Variants in AGBL1 observed in about 807,000 individuals in gnomAD.
AGBL1 encodes AGBL carboxypeptidase 1, also known as cytosolic carboxypeptidase 4.
AGBL1 carries 130 observed loss-of-function variants against 118.9 expected under a neutral mutation model. The ratio of observed to expected loss-of-function variants is 1.09; its 90% confidence interval spans 0.95 to 1.26. The LOEUF is 1.26. Ranked by LOEUF, AGBL1 falls within the 50% of genes most tolerant of loss-of-function variation. The pLI, the probability that AGBL1 is intolerant of heterozygous loss-of-function variation, is 0.00. For synonymous variants in AGBL1, 555 were observed against 478.9 expected (o/e 1.16, Z -2.08); for missense variants, 1,584 against 1,298.1 (o/e 1.22, Z -3.38).
chr15:86,403,286 C>A (rs2081475765), intron 18 of AGBL1, among the ~76,000 whole-genome samples: 1 of 152,086 alleles, frequency 6.6e-6, no homozygotes, highest in Non-Finnish European at 1.5e-5. Context: ...AGAACCAGGG[C>A]ATATTGATTC....
At chr15:86,600,313 T>TC (rs1054425518) in intron 21 of AGBL1, among the ~76,000 whole-genome samples, 10 of 152,188 alleles carry the variant, frequency 6.6e-5, no homozygotes, top group African/African-American at 1.9e-4. Flanking sequence ...CTTGAGTTTC[T>TC]CCACTGTGCA....
chr15:86,665,256 C>G (rs1003438232), intron 21 of AGBL1, among the ~76,000 whole-genome samples: 2 of 152,050 alleles, frequency 1.3e-5, no homozygotes, highest in Non-Finnish European at 2.9e-5. Context: ...CGATTATTTC[C>G]TTAATATTAA....
At chr15:86,213,097 T>G (rs968762216) in intron 5 of AGBL1, among the ~76,000 whole-genome samples, 2 of 152,218 alleles carry the variant, frequency 1.3e-5, no homozygotes, top group African/African-American at 2.4e-5. Context: ...TGTACAAAAA[T>G]GAATAACTGC....
At chr15:86,742,274 G>A (rs1378599671) in intron 22 of AGBL1, among the ~76,000 whole-genome samples, 1 of 152,076 alleles carries the variant, frequency 6.6e-6, no homozygotes, top group Non-Finnish European at 1.5e-5. Flanking sequence ...CAGACGGCAT[G>A]GCTTTTCCAG....
chr15:86,632,758 T>TA (rs140457963), intron 21 of AGBL1, among the ~76,000 whole-genome samples: 11,648 of 151,716 alleles, frequency 0.077, 599 homozygotes, highest in Non-Finnish European at 0.089. Flanking sequence ...CCACTGCTCT[T>TA]AAGATGCATG....
At chr15:86,509,946 A>ACTT (rs2083032979) in intron 18 of AGBL1, among the ~76,000 whole-genome samples, 1 of 142,874 alleles carries the variant, frequency 7.0e-6, no homozygotes, top group Admixed American at 7.0e-5. Flanking sequence ...GCTGAAGCTC[A>ACTT]TTTTTTTTTT....
intron 17 of AGBL1, among the ~76,000 whole-genome samples, chr15:86,341,089 C>G (rs1366697327): frequency 6.6e-6 from 1 of 152,208 alleles, no homozygotes; most frequent in Non-Finnish European, 1.5e-5. Context: ...AAGTCCAGGT[C>G]TCCCCCTGAC....
chr15:86,929,936 C>T (rs1363954111), intron 23 of AGBL1, among the ~76,000 whole-genome samples: 1 of 152,102 alleles, frequency 6.6e-6, no homozygotes, highest in African/African-American at 2.4e-5. Context: ...AATTTTATTC[C>T]AATTCTCATT....
intron 22 of AGBL1, among the ~76,000 whole-genome samples, chr15:86,743,393 A>G (rs2077707972): frequency 6.6e-6 from 1 of 152,084 alleles, no homozygotes; most frequent in African/African-American, 2.4e-5. Flanking sequence ...TTTCAAATCC[A>G]CTTCATCCTA....
At chr15:86,249,338 A>G (rs918507832) in intron 7 of AGBL1, among the ~76,000 whole-genome samples, 1 of 152,124 alleles carries the variant, frequency 6.6e-6, no homozygotes, top group African/African-American at 2.4e-5. Flanking sequence ...GAAGCCACCA[A>G]TGAGAGTGTT....
At chr15:86,856,941 G>C (rs1214329804) in intron 22 of AGBL1, among the ~76,000 whole-genome samples, 1 of 152,138 alleles carries the variant, frequency 6.6e-6, no homozygotes, top group African/African-American at 2.4e-5. Flanking sequence ...GCCTAGTTTT[G>C]TCCCGAAGTC....
intron 22 of AGBL1, among the ~76,000 whole-genome samples, chr15:86,721,075 G>A (rs1018599789): frequency 1.1e-4 from 17 of 152,298 alleles, no homozygotes; most frequent in Admixed American, 5.9e-4. Flanking sequence ...GAGGTACAAG[G>A]AGGAGCTGGT....
rs2081107379 is a variant in AGBL1 at position 86,971,405 on chromosome 15, G to T, written c.3222-16582G>T. ...ACCCTGCTCTAAACAGCATTCTACA[G>T]TAAGGGATGGCTTGTTAATAAAGGT... On this transcript the variant is annotated intron_variant, in intron 23 of 24. Coordinates refer to the AGBL1 transcript ENST00000441037. Among the ~76,000 whole-genome samples the T allele has an allele frequency of 2.0e-5, 3 of 151,956 alleles. No homozygotes were observed. The South Asian group carries it at 6.2e-4, about 31-fold the overall frequency.
intron 5 of AGBL1, among the ~76,000 whole-genome samples, chr15:86,172,467 A>G (rs2077429240): frequency 1.3e-5 from 2 of 152,116 alleles, no homozygotes; most frequent in Non-Finnish European, 2.9e-5. Context: ...CTTCTATCTA[A>G]CTGTGTTTGT....
intron 7 of AGBL1, among the ~76,000 whole-genome samples, chr15:86,252,063 C>G (rs754200831): frequency 1.5e-4 from 23 of 152,222 alleles, no homozygotes; most frequent in Non-Finnish European, 3.2e-4. Context: ...GATCCTACCC[C>G]AGAGTTTCTA....
At chr15:86,786,795 G>A (rs767953706) in intron 22 of AGBL1, among the ~76,000 whole-genome samples, 26 of 152,286 alleles carry the variant, frequency 1.7e-4, no homozygotes, top group South Asian at 8.3e-4. Context: ...TGTTAGATTA[G>A]AAACACTAGA....
intron 21 of AGBL1, among the ~76,000 whole-genome samples, chr15:86,668,681 C>G (rs1427413693): frequency 1.3e-5 from 2 of 152,048 alleles, no homozygotes; most frequent in South Asian, 2.1e-4. Context: ...GATACTAAAC[C>G]CTGTTCACTT....
intron 23 of AGBL1, among the ~76,000 whole-genome samples, chr15:86,960,874 C>G (rs1283036802): frequency 6.6e-6 from 1 of 151,964 alleles, no homozygotes; most frequent in Non-Finnish European, 1.5e-5. Context: ...TATGTAGAAC[C>G]TAAAATAGTC....
At chr15:86,491,107 A>G (rs1466822220) in intron 18 of AGBL1, among the ~76,000 whole-genome samples, 1 of 152,080 alleles carries the variant, frequency 6.6e-6, no homozygotes, top group Admixed American at 6.6e-5. Flanking sequence ...AGTTCTATAT[A>G]ATTTGGTATG....
Sources: gnomAD v4.1 joint callset for allele counts (sites outside exome capture counted in the v4.1 genomes callset) on GRCh38, gnomAD v4.1.1 for gene constraint, MANE v1.5 for transcripts, NCBI Gene and HGNC (gene_info 2026-07-23, HGNC 2026-07-21) for gene names.